The following IGF1R variants were observed in gnomAD, a reference collection of about 807,000 sequenced individuals.
IGF1R encodes insulin like growth factor 1 receptor.
In IGF1R, 44 loss-of-function variants were observed where a neutral mutation model predicts 144.6. The observed-to-expected ratio is 0.30, with a 90% confidence interval of 0.24 to 0.39. The LOEUF (loss-of-function observed/expected upper bound fraction) is 0.39, where lower values mean the gene tolerates loss of function less well. IGF1R is among the 10% of genes least tolerant of loss of function. The pLI, the probability that IGF1R is intolerant of heterozygous loss-of-function variation, is 1.00. For missense variants in IGF1R, 1,355 were observed against 1,833.7 expected (o/e 0.74, Z 4.77); for synonymous variants, 795 against 722.8 (o/e 1.10, Z -1.60).
chr15:98,830,605 C>CTTTTTTTTTTTTTTTTTTT (rs60426791), intron 2 of IGF1R, among the ~76,000 whole-genome samples: 2 of 135,946 alleles, frequency 1.5e-5, no homozygotes, highest in African/African-American at 5.7e-5. Context: ...TGATCATCAT[C>CTTTTTTTTTTTTTTTTTTT]TTTTTTTTTT....
At chr15:98,934,312 C>A (rs893077399) in intron 15 of IGF1R, among the ~76,000 whole-genome samples, 1 of 152,072 alleles carries the variant, frequency 6.6e-6, no homozygotes, top group African/African-American at 2.4e-5. Flanking sequence ...ACCATCATCA[C>A]CTCTCATATG....
chr15:98,739,895 T>C (rs771261415), intron 2 of IGF1R, among the ~76,000 whole-genome samples: 1 of 152,200 alleles, frequency 6.6e-6, no homozygotes, highest in Non-Finnish European at 1.5e-5. Context: ...CCTGGCCTGC[T>C]GTAAGAAAAT....
chr15:98,733,524 TCCAGACGAGG>T (rs2054543620), intron 2 of IGF1R, among the ~76,000 whole-genome samples: 1 of 151,130 alleles, frequency 6.6e-6, no homozygotes, highest in South Asian at 2.1e-4. Flanking sequence ...CCCCATGTGG[TCCAGACGAGG>T]CCAGAGGATC....
intron 2 of IGF1R, among the ~76,000 whole-genome samples, chr15:98,862,237 G>T (rs1054114163): frequency 1.7e-4 from 26 of 152,198 alleles, no homozygotes; most frequent in African/African-American, 6.0e-4. Context: ...CAGGGTATAT[G>T]GGCAAGTTAG....
intron 1 of IGF1R, among the ~76,000 whole-genome samples, chr15:98,666,264 T>A (rs571582807): frequency 6.6e-6 from 1 of 151,892 alleles, no homozygotes; most frequent in East Asian, 1.9e-4. Flanking sequence ...TGTGCCTTAC[T>A]GGTGAGACTG....
At chr15:98,696,061 C>T (rs1473655993) in intron 1 of IGF1R, among the ~76,000 whole-genome samples, 2 of 145,288 alleles carry the variant, frequency 1.4e-5, no homozygotes, top group Middle Eastern at 3.7e-3. Flanking sequence ...CACAACATCA[C>T]ATCGTCACAT....
chr15:98,701,975 G>GTGTC (rs1421608810), intron 1 of IGF1R, among the ~76,000 whole-genome samples: 1 of 151,426 alleles, frequency 6.6e-6, no homozygotes, highest in East Asian at 1.9e-4. Flanking sequence ...GAGGTGAGGT[G>GTGTC]TGTCTGCCTG....
Position 98,741,238 on chromosome 15 carries a change from T to G in IGF1R, c.640+33131T>G, listed in dbSNP as rs1040360190. On this transcript the variant is annotated intron_variant, in intron 2 of 20. Coordinates refer to ENST00000650285, the MANE Select transcript of IGF1R (RefSeq NM_000875.5). ...GGCTTTATATAGTTTTCCTGAGCTT[T>G]TTTTTTTTTTTTTTTTTTTTTTTGG... 7.9e-3 allele frequency among the ~76,000 whole-genome samples: 1,026 copies of G among 129,484 alleles called. 51 individuals are homozygous for G. Among genetic ancestry groups the G allele is most frequent in the Middle Eastern group, 0.024 (6 of 252 alleles). The allele number at this position is 129,484 out of a possible 152,430, so 84.9% of individuals were successfully genotyped here.
At chr15:98,812,965 CA>C (rs2056622811) in intron 2 of IGF1R, among the ~76,000 whole-genome samples, 1 of 152,190 alleles carries the variant, frequency 6.6e-6, no homozygotes, top group Admixed American at 6.5e-5. Context: ...TAGGCTGTTC[CA>C]GTCTTCTATC....
chr15:98,889,507 T>C (rs982852340), intron 2 of IGF1R, among the ~76,000 whole-genome samples: 3 of 152,182 alleles, frequency 2.0e-5, no homozygotes, highest in African/African-American at 7.2e-5. Flanking sequence ...AAAGAAAATA[T>C]CTTATAATTG....
intron 1 of IGF1R, among the ~76,000 whole-genome samples, chr15:98,667,578 A>G (rs1288262727): frequency 6.6e-6 from 1 of 152,004 alleles, no homozygotes; most frequent in African/African-American, 2.4e-5. Context: ...CTCTGGGGCT[A>G]TTTTTTTCTG....
chr15:98,681,808 G>A (rs1436994248), intron 1 of IGF1R, among the ~76,000 whole-genome samples: 1 of 152,184 alleles, frequency 6.6e-6, no homozygotes, highest in Non-Finnish European at 1.5e-5. Context: ...GCTAATACTT[G>A]AATTTAGGGT....
At chr15:98,883,380 T>G (rs2013476582) in intron 2 of IGF1R, among the ~76,000 whole-genome samples, 1 of 152,210 alleles carries the variant, frequency 6.6e-6, no homozygotes, top group Non-Finnish European at 1.5e-5. Flanking sequence ...AGAAAATATG[T>G]CTTTACTGTG....
chr15:98,671,388 C>T (rs2052886295), intron 1 of IGF1R, among the ~76,000 whole-genome samples: 1 of 152,166 alleles, frequency 6.6e-6, no homozygotes, highest in Admixed American at 6.5e-5. Flanking sequence ...GCTCTGTCTG[C>T]AGAAACCATG....
intron 1 of IGF1R, among the ~76,000 whole-genome samples, chr15:98,668,907 A>G (rs2052813857): frequency 6.6e-6 from 1 of 152,198 alleles, no homozygotes. Context: ...CCTCAGTAGT[A>G]CTTTTTCCTC....
chr15:98,748,536 T>G (rs907990649), intron 2 of IGF1R, among the ~76,000 whole-genome samples: 1 of 152,208 alleles, frequency 6.6e-6, no homozygotes, highest in African/African-American at 2.4e-5. Flanking sequence ...AGCAATTATG[T>G]GTAAAGTGGA....
At chr15:98,666,952 G>T (rs983912583) in intron 1 of IGF1R, among the ~76,000 whole-genome samples, 2 of 151,904 alleles carry the variant, frequency 1.3e-5, no homozygotes, top group Admixed American at 1.3e-4. Context: ...TTGTTTATGC[G>T]AGTATATGTG....
chr15:98,733,120 A>C (rs2054531947), intron 2 of IGF1R, among the ~76,000 whole-genome samples: 1 of 152,168 alleles, frequency 6.6e-6, no homozygotes, highest in Non-Finnish European at 1.5e-5. Flanking sequence ...GCTTCAGCAG[A>C]CCTTGGTGGC....
chr15:98,790,070 C>T (rs991113138), intron 2 of IGF1R, among the ~76,000 whole-genome samples: 1 of 152,138 alleles, frequency 6.6e-6, no homozygotes, highest in Non-Finnish European at 1.5e-5. Flanking sequence ...GTTCAAGTGG[C>T]TCTGTTCCAC....
Sources: allele counts gnomAD v4.1 joint callset (sites outside exome capture counted in the v4.1 genomes callset), GRCh38; gene constraint gnomAD v4.1.1; transcripts MANE v1.5; gene names NCBI Gene and HGNC (gene_info 2026-07-23, HGNC 2026-07-21).